Variants in C7 observed in about 807,000 individuals in gnomAD.
The protein encoded by C7 is complement component C7.
A neutral mutation model predicts 104.8 loss-of-function variants in C7; 83 were observed. The observed-to-expected ratio is 0.79, with a 90% CI of 0.66 to 0.95. The LOEUF (loss-of-function observed/expected upper bound fraction) is 0.95. Among genes scored for constraint, C7 ranks in the 40% least tolerant of loss-of-function variants. The pLI is 0.00. For synonymous variants in C7, 415 were observed against 360.6 expected (o/e 1.15, Z -1.71); for missense variants, 1,070 against 1,011.2 (o/e 1.06, Z -0.79).
intron 1 of C7, among the ~76,000 whole-genome samples, chr5:40,925,776 C>T (rs324068): frequency 6.6e-6 from 1 of 151,974 alleles, no homozygotes; most frequent in African/African-American, 2.4e-5. Context: ...GGAAGGCAAA[C>T]TGGGAACAGG....
chr5:40,951,719 T>C (rs1285896953), intron 9 of C7, among the ~76,000 whole-genome samples: 1 of 152,154 alleles, frequency 6.6e-6, no homozygotes, highest in Non-Finnish European at 1.5e-5. Flanking sequence ...GACTGAGCAG[T>C]ATCAGAGTTT....
chr5:40,961,384 C>T (rs1740416503), intron 12 of C7, among the ~76,000 whole-genome samples: 3 of 141,598 alleles, frequency 2.1e-5, no homozygotes, highest in Non-Finnish European at 4.7e-5. Context: ...CTCTAATTAC[C>T]TTCTTCTTTT....
chr5:40,950,906 C>G (rs1188194145), intron 9 of C7, among the ~76,000 whole-genome samples: 1 of 152,134 alleles, frequency 6.6e-6, no homozygotes, highest in Non-Finnish European at 1.5e-5. Context: ...AAAGGGTAAA[C>G]TGATCTAGAC....
chr5:40,931,015 T>C (rs1739670194), intron 2 of C7, 49 bp from the exon 3 acceptor site: 2 of 1,245,840 alleles, frequency 1.6e-6, no homozygotes, highest in East Asian at 4.6e-5. Flanking sequence ...TGTGTTCCCT[T>C]GCGTATCTTT....
chr5:40,925,366 A>G (rs1243495554), intron 1 of C7, among the ~76,000 whole-genome samples: 1 of 152,196 alleles, frequency 6.6e-6, no homozygotes, highest in East Asian at 1.9e-4. Flanking sequence ...ATTCCCAATA[A>G]GTTTCTCATT....
At chr5:40,922,135 G>C (rs556652503) in intron 1 of C7, among the ~76,000 whole-genome samples, 35 of 151,988 alleles carry the variant, frequency 2.3e-4, no homozygotes, top group African/African-American at 8.2e-4. Context: ...CCAGCACTTT[G>C]GGAGGCTGAG....
At chr5:40,925,096 G>A (rs571977694) in intron 1 of C7, among the ~76,000 whole-genome samples, 10 of 152,280 alleles carry the variant, frequency 6.6e-5, no homozygotes, top group African/African-American at 2.4e-4. Flanking sequence ...TGCGTGGCCA[G>A]GCTGCAGATT....
chr5:40,949,843 A>G, intron 8 of C7, 61 bp from the exon 9 acceptor site: 1 of 1,018,978 alleles, frequency 9.8e-7, no homozygotes, highest in Non-Finnish European at 1.5e-6. Flanking sequence ...CTACTCTCAT[A>G]TCTGAAGATC....
chr5:40,928,695 C>T (rs993137747), intron 2 of C7, 60 bp downstream of exon 2: 1 of 1,047,112 alleles, frequency 9.6e-7, no homozygotes, highest in South Asian at 1.5e-5. Context: ...TTTAGTAATT[C>T]TTTAGTCTAA....
intron 9 of C7, 37 bp from the exon 10 acceptor site, chr5:40,955,350 T>C: frequency 6.4e-7 from 1 of 1,556,070 alleles, no homozygotes; most frequent in Non-Finnish European, 8.6e-7. Flanking sequence ...AAATACTTGA[T>C]AGACTTTTCA....
chr5:40,983,875 A>G lies in C7; in HGVS notation c.*2302A>G, dbSNP rs1291326672. ...TCAGGTGAGGGTCATCTGGGTTAGA[A>G]GGGGATAGAGCCTTGGAGGAGGCAG... is the stretch of plus-strand genomic sequence containing the variant. On this transcript the variant is annotated 3_prime_UTR_variant, in exon 18 of 18. Transcript: ENST00000313164. 1.3e-5 allele frequency among the ~76,000 whole-genome samples: 2 copies of G among 152,144 alleles called. No individual in the cohort carries two copies. Among genetic ancestry groups the G allele is most frequent in the Non-Finnish European group, 2.9e-5 (2 of 68,018 alleles).
chr5:40,972,696 C>T, intron 15 of C7, 102 bp downstream of exon 15: 1 of 889,316 alleles, frequency 1.1e-6, no homozygotes. Context: ...GTGAGTCATT[C>T]CCTCCATTCT....
Position 40,934,390 on chromosome 5 carries a change from T to C in C7, c.204T>C (p.Phe68=). 7 of 1,613,772 alleles carry C rather than the reference T, an allele frequency of 4.3e-6. No homozygotes were observed. Among genetic ancestry groups the C allele is most frequent in the Non-Finnish European group, 5.9e-6 (7 of 1,179,744 alleles). The change falls in exon 4 of 18, where the codon TTT becomes TTC. Residue 68 remains phenylalanine (F), a synonymous_variant. Coordinates refer to ENST00000313164, the MANE Select transcript of C7 (RefSeq NM_000587.4). The part of the protein sequence containing the change: ...YGGQPCVGNA[F]ETQSCEPTRG... Reference sequence around the variant, plus strand: ...GCCAGCCTTGTGTTGGAAATGCTTTTGAAACACAGTCCTGTGAACCTACAA... The same window carrying C: ...GCCAGCCTTGTGTTGGAAATGCTTTCGAAACACAGTCCTGTGAACCTACAA...
chr5:40,972,395 A>G lies in C7; in HGVS notation c.1883-8A>G. On this transcript the variant is annotated splice_region_variant and splice_polypyrimidine_tract_variant and intron_variant, in intron 14 of 17. Transcript: ENST00000313164. Reference sequence around the variant, plus strand: ...CGACCCTTATATTTTGCTCTCTTTTATCTTTAGAAATTGCCTGTGTTCTAC... The same window carrying G: ...CGACCCTTATATTTTGCTCTCTTTTGTCTTTAGAAATTGCCTGTGTTCTAC... 2 of 1,613,318 alleles carry G rather than the reference A, an allele frequency of 1.2e-6. No individual in the cohort carries two copies. The highest frequency in any genetic ancestry group is 1.7e-6 in the Non-Finnish European group (2 of 1,179,426).
intron 4 of C7, among the ~76,000 whole-genome samples, chr5:40,935,613 G>T (rs950536113): frequency 3.3e-5 from 5 of 152,178 alleles, no homozygotes; most frequent in Admixed American, 3.3e-4. Flanking sequence ...AAGATCATTG[G>T]AGATGACAGA....
chr5:40,913,307 G>A (rs915561717), intron 1 of C7, among the ~76,000 whole-genome samples: 1 of 151,946 alleles, frequency 6.6e-6, no homozygotes, highest in Non-Finnish European at 1.5e-5. Flanking sequence ...CTTTTCCTTT[G>A]GGTAGATACC....
rs1422186681 is a variant in C7, at chr5:40,964,453, A to AT, written c.1750-288_1750-287insT. On this transcript the variant is annotated intron_variant, in intron 13 of 17. Transcript: ENST00000313164. ...AAAGAAATTATTTGGACAGTGTCCA[A>AT]ATAATTTTAATAGAATGTAATTTTA... 1.9e-5 allele frequency: 4 copies of AT among 216,052 alleles called. 1 individual carries two copies. The highest frequency in any genetic ancestry group is 2.3e-4 in the South Asian group (2 of 8,590). 13.4% of individuals were successfully genotyped at this position (216,052 alleles called of 1,614,324 possible). A position where few individuals can be genotyped will look rare whatever the true frequency, so the allele number is the denominator to read the frequency against.
At position 40,935,933 on chromosome 5, in the gene C7, T is replaced by C. The variant is rs544974569; in HGVS notation, c.281-405T>C. Among the ~76,000 whole-genome samples the C allele has an allele frequency of 2.6e-5, 4 of 152,294 alleles. No individual in the cohort carries two copies. In the South Asian group the frequency reaches 8.3e-4, roughly 32 times the overall value. On this transcript the variant is annotated intron_variant, in intron 4 of 17. Transcript: ENST00000313164. ...ACCTTTTGATAAAATTGTCCGGCTCTTAAAGCTTACAAATTTAAATTACCA... is the reference window on the plus strand; with the variant it reads ...ACCTTTTGATAAAATTGTCCGGCTCCTAAAGCTTACAAATTTAAATTACCA...
chr5:40,949,530 G>A (rs1740121185), intron 8 of C7, among the ~76,000 whole-genome samples: 2 of 152,176 alleles, frequency 1.3e-5, no homozygotes, highest in African/African-American at 4.8e-5. Flanking sequence ...ACAGAAGCCA[G>A]CTTTGGGAGC....
Sources: allele counts gnomAD v4.1 joint callset (sites outside exome capture counted in the v4.1 genomes callset), GRCh38; gene constraint gnomAD v4.1.1; transcripts MANE v1.5; gene names NCBI Gene and HGNC (gene_info 2026-07-23, HGNC 2026-07-21).